The following MYLK variants were observed in gnomAD, a reference collection of about 807,000 sequenced individuals.
The protein encoded by MYLK is myosin light chain kinase.
Under a neutral mutation model 203.4 loss-of-function variants are expected in MYLK, and 106 were observed. That is an observed-to-expected ratio of 0.52 (90% CI 0.45 to 0.61). MYLK has a LOEUF of 0.61. MYLK is among the 20% of genes least tolerant of loss of function. MYLK has a pLI of 0.00. For synonymous variants in MYLK, 867 were observed against 959.5 expected, an observed-to-expected ratio of 0.90 and a Z score of 1.78; for missense variants, 2,072 against 2,442.3, an observed-to-expected ratio of 0.85 and a Z score of 3.20.
rs368845609 is a variant in MYLK, at chr3:123,873,708, T to C, written c.-127+2851A>G. Among the ~76,000 whole-genome samples, 9 of 152,292 alleles carry C rather than the reference T, an allele frequency of 5.9e-5. No individual in the cohort carries two copies. The East Asian group carries it at 1.7e-3, about 29-fold the overall frequency. On this transcript the variant is annotated intron_variant, in intron 2 of 33. Transcript: ENST00000360304. Reference sequence around the variant, plus strand: ...AAATTGATTCTATATCCCAGCCTTTTAAATTGTTTAAGTTACACATTAGAT... The same window carrying C: ...AAATTGATTCTATATCCCAGCCTTTCAAATTGTTTAAGTTACACATTAGAT...
intron 2 of MYLK, among the ~76,000 whole-genome samples, chr3:123,871,108 T>C (rs2032755886): frequency 6.6e-6 from 1 of 152,118 alleles, no homozygotes; most frequent in African/African-American, 2.4e-5. Context: ...GGCTCCCTGC[T>C]GGTAAGGCTT....
Position 123,613,712 on chromosome 3 carries a change from G to A in MYLK, c.*393C>T, listed in dbSNP as rs899524364. 3 of 244,380 alleles carry A rather than the reference G, an allele frequency of 1.2e-5. No individual in the cohort carries two copies. The highest frequency in any genetic ancestry group is 5.2e-5 in the Admixed American group (1 of 19,154). 15.1% of individuals were successfully genotyped at this position (244,380 alleles called of 1,614,324 possible). On this transcript the variant is annotated 3_prime_UTR_variant, in exon 34 of 34. Transcript: ENST00000360304. Reference sequence around the variant, plus strand: ...GGAGAGAGAGGCCTCCCATCCCCAGGAACCCTCTGGGCTGAGCTGTGGCCC... The same window carrying A: ...GGAGAGAGAGGCCTCCCATCCCCAGAAACCCTCTGGGCTGAGCTGTGGCCC...
chr3:123,667,048 ACATACCCAGGTGT>A, intron 21 of MYLK, 76 bp downstream of exon 21: 1 of 1,203,890 alleles, frequency 8.3e-7, no homozygotes, highest in Non-Finnish European at 1.2e-6. Flanking sequence ...TCCTGGGATC[ACATACCCAGGTGT>A]CAGTCTAGCA....
chr3:123,856,023 A>G (rs1018054754), intron 2 of MYLK, among the ~76,000 whole-genome samples: 1 of 152,196 alleles, frequency 6.6e-6, no homozygotes, highest in African/African-American at 2.4e-5. Context: ...CAATTTGTTT[A>G]TATCTCAAAA....
chr3:123,864,917 A>C (rs1280357562), intron 2 of MYLK, among the ~76,000 whole-genome samples: 1 of 152,072 alleles, frequency 6.6e-6, no homozygotes, highest in Non-Finnish European at 1.5e-5. Context: ...CATCTTTTAC[A>C]TTCTCTTTTT....
rs2064878803 is a variant in MYLK at position 123,793,766 on chromosome 3, A to G, written c.76T>C (p.Ser26Pro). ...SLSVDPSRVD[S>P]MPLTEAPAFI... ...GCAGGGGCCTCTGTCAGGGGCATGG[A>G]GTCAACTCTTGAGGGATCCACACTG... is the stretch of plus-strand genomic sequence containing the variant. Residue 26 changes from serine to proline, a missense_variant, in exon 4 of 34, where the codon TCC (serine) becomes CCC (proline). Coordinates refer to ENST00000360304, the MANE Select transcript of MYLK (RefSeq NM_053025.4). 1.2e-6 allele frequency: 2 copies of G among 1,613,812 alleles called. No individual in the cohort carries two copies. Among genetic ancestry groups the G allele is most frequent in the Non-Finnish European group, 1.7e-6 (2 of 1,179,920 alleles).
intron 24 of MYLK, among the ~76,000 whole-genome samples, chr3:123,654,951 C>T (rs1427954606): frequency 6.6e-6 from 1 of 152,112 alleles, no homozygotes; most frequent in African/African-American, 2.4e-5. Context: ...CTCCTGAGCT[C>T]AGGCGATCCA....
chr3:123,769,920 T>G (rs1199805653), intron 4 of MYLK, among the ~76,000 whole-genome samples: 1 of 152,226 alleles, frequency 6.6e-6, no homozygotes, highest in Non-Finnish European at 1.5e-5. Flanking sequence ...TTATTATGAA[T>G]TTATTACTTG....
intron 20 of MYLK, among the ~76,000 whole-genome samples, chr3:123,670,749 AAAG>A (rs2059889717): frequency 6.6e-6 from 1 of 152,226 alleles, no homozygotes. Flanking sequence ...CTCAGAAAAA[AAAG>A]AAAGAAAATT....
At chr3:123,873,036 T>A (rs1397784591) in intron 2 of MYLK, among the ~76,000 whole-genome samples, 2 of 152,106 alleles carry the variant, frequency 1.3e-5, no homozygotes, top group Non-Finnish European at 2.9e-5. Flanking sequence ...TTATTATGAA[T>A]AACCAAAGAC....
At chr3:123,691,642 G>A (rs921995327) in intron 19 of MYLK, 1 of 152,234 alleles carries the variant, frequency 6.6e-6, no homozygotes, top group African/African-American at 2.4e-5. Context: ...TCTACATGGT[G>A]TGGAATGGCA....
chr3:123,789,525 G>GCTCTATGGAGA (rs2064686658), intron 4 of MYLK, among the ~76,000 whole-genome samples: 1 of 152,070 alleles, frequency 6.6e-6, no homozygotes. Context: ...GAGAACAGCT[G>GCTCTATGGAGA]GATAAAGGAA....
chr3:123,836,454 C>G (rs1222001230), intron 2 of MYLK, among the ~76,000 whole-genome samples: 1 of 152,126 alleles, frequency 6.6e-6, no homozygotes. Flanking sequence ...CTACACCTTG[C>G]TTTATTTTGC....
intron 4 of MYLK, among the ~76,000 whole-genome samples, chr3:123,781,109 G>A (rs908742246): frequency 6.6e-6 from 1 of 152,240 alleles, no homozygotes; most frequent in Non-Finnish European, 1.5e-5. Flanking sequence ...GGAATGTAGG[G>A]CCTGGCAACT....
At chr3:123,757,403 G>T (rs915178800) in intron 4 of MYLK, among the ~76,000 whole-genome samples, 2 of 152,292 alleles carry the variant, frequency 1.3e-5, no homozygotes, top group Admixed American at 6.5e-5. Flanking sequence ...GTCTGGCAGG[G>T]CCTGGCGCAA....
At chr3:123,868,428 G>A (rs538192315) in intron 2 of MYLK, among the ~76,000 whole-genome samples, 37 of 152,258 alleles carry the variant, frequency 2.4e-4, no homozygotes, top group Non-Finnish European at 4.6e-4. Context: ...ATAGAGTATC[G>A]TAATAATACC....
chr3:123,747,622 G>GA (rs1436462504), intron 5 of MYLK, among the ~76,000 whole-genome samples: 3 of 152,170 alleles, frequency 2.0e-5, no homozygotes. Context: ...CTGGCGGCTG[G>GA]AAATGCAGAC....
At chr3:123,732,401 G>A (rs929785237) in intron 11 of MYLK, among the ~76,000 whole-genome samples, 8 of 152,128 alleles carry the variant, frequency 5.3e-5, no homozygotes, top group African/African-American at 1.7e-4. Context: ...TACCACAATG[G>A]TAAGTTTGTA....
chr3:123,625,028 C>T (rs2058067872), intron 31 of MYLK: 1 of 152,230 alleles, frequency 6.6e-6, no homozygotes, highest in Admixed American at 6.5e-5. Context: ...TCTCAATGCC[C>T]CTGGGTCCCT....
Sources: allele counts gnomAD v4.1 joint callset (sites outside exome capture counted in the v4.1 genomes callset), GRCh38; gene constraint gnomAD v4.1.1; transcripts MANE v1.5; gene names NCBI Gene and HGNC (gene_info 2026-07-23, HGNC 2026-07-21).